GBE1: variants seen among roughly 807,000 people sequenced by gnomAD.
GBE1 encodes 1,4-alpha-glucan branching enzyme 1.
A neutral mutation model predicts 88.8 loss-of-function variants in GBE1; 70 were observed. The observed-to-expected ratio is 0.79, with a 90% CI of 0.65 to 0.96. The LOEUF (loss-of-function observed/expected upper bound fraction) is 0.96. GBE1 is among the 40% of genes least tolerant of loss of function. The pLI, the probability that GBE1 is intolerant of heterozygous loss-of-function variation, is 0.00. For synonymous variants in GBE1, 284 were observed against 300.1 expected, an observed-to-expected ratio of 0.95 and a Z score of 0.56; for missense variants, 872 against 871.0, an observed-to-expected ratio of 1.00 and a Z score of -0.01.
chr3:81,738,171 G>T (rs1232097401), intron 1 of GBE1, among the ~76,000 whole-genome samples: 53 of 151,524 alleles, frequency 3.5e-4, no homozygotes, highest in Non-Finnish European at 3.8e-4. Flanking sequence ...ATTTGGGTTG[G>T]TTCCAAGTCT....
intron 11 of GBE1, among the ~76,000 whole-genome samples, chr3:81,578,986 TAAAC>T (rs1417087577): frequency 1.3e-5 from 2 of 152,030 alleles, no homozygotes; most frequent in Admixed American, 6.6e-5. Flanking sequence ...CATTACTTCT[TAAAC>T]AACTCACCTT....
chr3:81,506,559 C>T (rs1166238305), intron 14 of GBE1, among the ~76,000 whole-genome samples: 1 of 152,118 alleles, frequency 6.6e-6, no homozygotes, highest in African/African-American at 2.4e-5. Flanking sequence ...CTAGCAATCT[C>T]GTTACAGGGT....
intron 7 of GBE1, among the ~76,000 whole-genome samples, chr3:81,595,837 T>C (rs1703948821): frequency 6.6e-6 from 1 of 151,980 alleles, no homozygotes; most frequent in African/African-American, 2.4e-5. Flanking sequence ...AATAACTATG[T>C]TAGTAGACAG....
chr3:81,617,587 T>C (rs974454578), intron 7 of GBE1, among the ~76,000 whole-genome samples: 29 of 152,016 alleles, frequency 1.9e-4, no homozygotes, highest in Non-Finnish European at 2.9e-4. Context: ...TTATGGTGTA[T>C]AATTCTTTTT....
chr3:81,496,496 A>T (rs1702500518), intron 15 of GBE1, among the ~76,000 whole-genome samples: 1 of 152,200 alleles, frequency 6.6e-6, no homozygotes, highest in Non-Finnish European at 1.5e-5. Flanking sequence ...ATGGGCAAAA[A>T]TTTCATGGAA....
At chr3:81,538,972 G>A (rs1055558263) in intron 12 of GBE1, among the ~76,000 whole-genome samples, 3 of 152,056 alleles carry the variant, frequency 2.0e-5, no homozygotes, top group South Asian at 2.1e-4. Flanking sequence ...TTGTCATCAC[G>A]ATGACAGTAG....
chr3:81,697,840 C>T (rs931617145), intron 2 of GBE1, among the ~76,000 whole-genome samples: 2 of 151,902 alleles, frequency 1.3e-5, no homozygotes, highest in African/African-American at 4.8e-5. Flanking sequence ...TTCCTGAGGC[C>T]TACCCTTAAA....
chr3:81,620,228 G>T lies in GBE1; in HGVS notation c.992+22553C>A, dbSNP rs948855130. Among the ~76,000 whole-genome samples, 3 of 150,640 alleles carry T rather than the reference G, an allele frequency of 2.0e-5. No homozygotes were observed. The South Asian group carries it at 6.3e-4, about 32-fold the overall frequency. ...GATGGAGTCTCGCACTGTCATCTAGGCTAGAGTGCAGTGGCACGATCTCTG... is the reference window on the plus strand; with the variant it reads ...GATGGAGTCTCGCACTGTCATCTAGTCTAGAGTGCAGTGGCACGATCTCTG... On this transcript the variant is annotated intron_variant, in intron 7 of 15. Coordinates refer to ENST00000429644, the MANE Select transcript of GBE1 (RefSeq NM_000158.4).
intron 3 of GBE1, among the ~76,000 whole-genome samples, chr3:81,663,403 G>A (rs953878008): frequency 2.6e-5 from 4 of 152,092 alleles, no homozygotes; most frequent in Non-Finnish European, 1.5e-5. Flanking sequence ...CAGCATGCCC[G>A]CAGGCCATAT....
intron 9 of GBE1, among the ~76,000 whole-genome samples, chr3:81,590,393 G>A (rs759615281): frequency 4.6e-5 from 7 of 151,978 alleles, no homozygotes; most frequent in Non-Finnish European, 1.0e-4. Context: ...GAAAACCAGA[G>A]GGATTTTAGC....
chr3:81,613,019 TGAA>T, intron 7 of GBE1: 3 of 589,602 alleles, frequency 5.1e-6, no homozygotes, highest in South Asian at 3.8e-5. Context: ...AGGATGAAGG[TGAA>T]GAAGATGAAG....
At chr3:81,550,289 A>G (rs922474879) in intron 12 of GBE1, among the ~76,000 whole-genome samples, 2 of 151,314 alleles carry the variant, frequency 1.3e-5, no homozygotes, top group Admixed American at 6.6e-5. Context: ...TCAGCACTCA[A>G]TAGTTACGAA....
At chr3:81,714,981 C>T (rs998346889) in intron 1 of GBE1, among the ~76,000 whole-genome samples, 2 of 152,122 alleles carry the variant, frequency 1.3e-5, no homozygotes, top group Non-Finnish European at 2.9e-5. Context: ...CCCACAGGTA[C>T]CATCTCCAAA....
chr3:81,685,320 T>A (rs1324618431), intron 2 of GBE1, among the ~76,000 whole-genome samples: 1 of 152,048 alleles, frequency 6.6e-6, no homozygotes, highest in Non-Finnish European at 1.5e-5. Context: ...AGTTTTTTGT[T>A]GTTGTTGTTG....
chr3:81,761,601 G>A lies in GBE1; in HGVS notation c.-84C>T. 1 of 1,496,046 alleles carries A rather than the reference G, an allele frequency of 6.7e-7. No homozygotes were observed. The highest frequency in any genetic ancestry group is 8.9e-7 in the Non-Finnish European group (1 of 1,119,698). The allele number at this position is 1,496,046 out of a possible 1,614,324, so 92.7% of individuals were successfully genotyped here. A position where few individuals can be genotyped will look rare whatever the true frequency, so the allele number is the denominator to read the frequency against. On this transcript the variant is annotated 5_prime_UTR_variant, in exon 1 of 16. Transcript: ENST00000429644. ...CTGGAGCTCTAGCTGGGACGCGGCG[G>A]CTAGGGCGGAGCCGGAGGGCGCCTA...
At chr3:81,605,787 G>C (rs147174652) in intron 7 of GBE1, among the ~76,000 whole-genome samples, 103 of 152,264 alleles carry the variant, frequency 6.8e-4, no homozygotes, top group Non-Finnish European at 1.3e-3. Flanking sequence ...TAGGGAGAAA[G>C]AGGACATAGG....
chr3:81,492,320 G>A lies in GBE1; in HGVS notation c.2053-1857C>T, dbSNP rs532326761. Among the ~76,000 whole-genome samples, 8 of 152,128 alleles carry A rather than the reference G, an allele frequency of 5.3e-5. No individual in the cohort carries two copies. The South Asian group carries it at 6.2e-4, about 12-fold the overall frequency. ...ATGCAATGTTTTCTCTTTGTCATAC[G>A]TAAGATGTTACGAGACTGATTCAAT... On this transcript the variant is annotated intron_variant, in intron 15 of 15. Transcript: ENST00000429644.
At chr3:81,619,484 T>C (rs1224466471) in intron 7 of GBE1, among the ~76,000 whole-genome samples, 1 of 152,174 alleles carries the variant, frequency 6.6e-6, no homozygotes, top group East Asian at 1.9e-4. Context: ...AGATTATTTA[T>C]TTCATTTGAG....
chr3:81,600,557 T>C (rs562328290), intron 7 of GBE1, among the ~76,000 whole-genome samples: 3 of 152,238 alleles, frequency 2.0e-5, no homozygotes, highest in African/African-American at 7.2e-5. Flanking sequence ...ATAAAGATCT[T>C]ATACAAACAT....
Sources: allele counts gnomAD v4.1 joint callset (sites outside exome capture counted in the v4.1 genomes callset), GRCh38; gene constraint gnomAD v4.1.1; transcripts MANE v1.5; gene names NCBI Gene and HGNC (gene_info 2026-07-23, HGNC 2026-07-21).